MAST4: variants seen among roughly 807,000 people sequenced by gnomAD.
MAST4 encodes the protein microtubule-associated serine/threonine-protein kinase 4.
Under a neutral mutation model 162.7 loss-of-function variants are expected in MAST4, and 89 were observed. The ratio of observed to expected loss-of-function variants is 0.55; its 90% CI spans 0.46 to 0.65. MAST4 has a LOEUF of 0.65. MAST4 is among the 30% of genes least tolerant of loss of function. MAST4 has a pLI of 0.00. For missense variants in MAST4, 3,153 were observed against 3,374.0 expected (o/e 0.93, Z 1.62); for synonymous variants, 1,479 against 1,361.1 (o/e 1.09, Z -1.91).
At chr5:66,916,614 T>C (rs1279822165) in intron 4 of MAST4, among the ~76,000 whole-genome samples, 3 of 152,216 alleles carry the variant, frequency 2.0e-5, no homozygotes, top group Non-Finnish European at 2.9e-5. Flanking sequence ...TAGTCATTGT[T>C]AGACTGGTGT....
chr5:67,161,252 A>G (rs1323500119), intron 27 of MAST4, among the ~76,000 whole-genome samples: 1 of 152,204 alleles, frequency 6.6e-6, no homozygotes, highest in Non-Finnish European at 1.5e-5. Context: ...GATGAGTCAC[A>G]TCATATTAAA....
At chr5:67,049,661 A>T (rs1309449030) in intron 4 of MAST4, among the ~76,000 whole-genome samples, 3 of 152,076 alleles carry the variant, frequency 2.0e-5, no homozygotes. Context: ...TCAATTCACT[A>T]TATTATTACT....
chr5:66,810,175 G>C (rs540827454), intron 3 of MAST4, among the ~76,000 whole-genome samples: 1 of 152,256 alleles, frequency 6.6e-6, no homozygotes, highest in East Asian at 1.9e-4. Context: ...ATTCGTAGTT[G>C]GTGAGGTAAG....
chr5:66,922,401 T>C (rs1764598870), intron 4 of MAST4, among the ~76,000 whole-genome samples: 1 of 152,188 alleles, frequency 6.6e-6, no homozygotes. Context: ...TGACATGTAC[T>C]GCCAGCTGCA....
At chr5:66,634,046 G>GT (rs1257991808) in intron 1 of MAST4, among the ~76,000 whole-genome samples, 1 of 151,998 alleles carries the variant, frequency 6.6e-6, no homozygotes, top group Non-Finnish European at 1.5e-5. Context: ...TAACTGGTTT[G>GT]TTTTTTTCTT....
At chr5:66,667,329 AT>A (rs1341860926) in intron 1 of MAST4, among the ~76,000 whole-genome samples, 1 of 152,120 alleles carries the variant, frequency 6.6e-6, no homozygotes, top group East Asian at 1.9e-4. Flanking sequence ...CACCTAGCTA[AT>A]TACTCCATTT....
chr5:66,974,358 C>T (rs534219566), intron 4 of MAST4, among the ~76,000 whole-genome samples: 44 of 152,220 alleles, frequency 2.9e-4, no homozygotes, highest in Non-Finnish European at 5.9e-4. Flanking sequence ...AATTCATCCC[C>T]ACCTTGAGCC....
chr5:66,866,209 A>ATTTTGCC (rs1374543430), intron 3 of MAST4, among the ~76,000 whole-genome samples: 1 of 151,970 alleles, frequency 6.6e-6, no homozygotes, highest in Non-Finnish European at 1.5e-5. Context: ...TAGGGTCTGC[A>ATTTTGCC]TTTCAGCGAT....
chr5:66,616,077 A>G (rs1422049980), intron 1 of MAST4, among the ~76,000 whole-genome samples: 1 of 152,200 alleles, frequency 6.6e-6, no homozygotes, highest in Non-Finnish European at 1.5e-5. Context: ...CCAGTATGCA[A>G]TAAATCTTTG....
intron 3 of MAST4, among the ~76,000 whole-genome samples, chr5:66,891,125 C>T (rs1023097100): frequency 3.3e-5 from 5 of 152,162 alleles, no homozygotes; most frequent in Admixed American, 6.5e-5. Context: ...TAACTTAAAT[C>T]GTTTGCCATC....
At chr5:66,948,458 T>C (rs567849572) in intron 4 of MAST4, among the ~76,000 whole-genome samples, 1 of 152,254 alleles carries the variant, frequency 6.6e-6, no homozygotes, top group South Asian at 2.1e-4. Flanking sequence ...TTCCACCTCC[T>C]GAAACCCAGA....
chr5:66,723,834 A>G (rs575940103), intron 1 of MAST4, among the ~76,000 whole-genome samples: 138 of 152,324 alleles, frequency 9.1e-4, no homozygotes, highest in African/African-American at 3.2e-3. Flanking sequence ...TTTTGTTAAA[A>G]CATTGCAGGT....
At chr5:66,681,579 A>G (rs1157385161) in intron 1 of MAST4, among the ~76,000 whole-genome samples, 1 of 152,208 alleles carries the variant, frequency 6.6e-6, no homozygotes, top group Non-Finnish European at 1.5e-5. Context: ...GTAGTCCTCA[A>G]ACTGAACTTG....
intron 4 of MAST4, among the ~76,000 whole-genome samples, chr5:67,015,949 G>A (rs35920955): frequency 0.027 from 4,128 of 152,250 alleles, 111 homozygotes; most frequent in Non-Finnish European, 0.042. Context: ...ATCACATCAC[G>A]TCATTTTTTC....
intron 4 of MAST4, among the ~76,000 whole-genome samples, chr5:66,957,561 G>A (rs1285249045): frequency 1.3e-5 from 2 of 152,206 alleles, no homozygotes; most frequent in African/African-American, 4.8e-5. Context: ...TTTCAAGTAT[G>A]GATTTGTTAC....
chr5:66,731,123 G>T (rs1751823933), intron 1 of MAST4, among the ~76,000 whole-genome samples: 1 of 152,152 alleles, frequency 6.6e-6, no homozygotes, highest in African/African-American at 2.4e-5. Flanking sequence ...ACTTAGATGG[G>T]CCACAGGTAA....
At chr5:66,597,900 A>T (rs1306069248) in intron 1 of MAST4, among the ~76,000 whole-genome samples, 5 of 148,222 alleles carry the variant, frequency 3.4e-5, no homozygotes, top group African/African-American at 1.2e-4. Flanking sequence ...ACTCAGTTTA[A>T]AAAAAAAAAA....
At chr5:66,874,452 G>A (rs1310923664) in intron 3 of MAST4, among the ~76,000 whole-genome samples, 1 of 152,170 alleles carries the variant, frequency 6.6e-6, no homozygotes, top group East Asian at 1.9e-4. Context: ...TAGATGAGCT[G>A]TCATTTTACA....
intron 4 of MAST4, among the ~76,000 whole-genome samples, chr5:66,932,401 G>A (rs906790944): frequency 1.3e-5 from 2 of 152,138 alleles, no homozygotes; most frequent in African/African-American, 4.8e-5. Flanking sequence ...ACATGTGATT[G>A]TGGAAGTGGA....
Sources: allele counts gnomAD v4.1 joint callset (sites outside exome capture counted in the v4.1 genomes callset), GRCh38; gene constraint gnomAD v4.1.1; transcripts MANE v1.5; gene names NCBI Gene and HGNC (gene_info 2026-07-23, HGNC 2026-07-21).